BRD2: variants seen among roughly 807,000 people sequenced by gnomAD.
BRD2 encodes the protein bromodomain containing 2, also known as bromodomain-containing protein 2.
BRD2 carries 15 observed loss-of-function variants against 79.1 expected under a neutral mutation model. That is an observed-to-expected ratio of 0.19 (90% confidence interval 0.13 to 0.29). The LOEUF (loss-of-function observed/expected upper bound fraction) is 0.29. BRD2 is among the 10% of genes least tolerant of loss of function. The pLI is 1.00. For missense variants in BRD2, 1,053 were observed against 991.3 expected, an observed-to-expected ratio of 1.06 and a Z score of -0.84; for synonymous variants, 488 against 358.6, an observed-to-expected ratio of 1.36 and a Z score of -4.08.
chr6:32,972,288 T>TTACAATCCACCTC lies in BRD2; in HGVS notation c.-610_-598dup. ...GCCTTCGAGTCGTCCGGGGCCGCCA[T>TTACAATCCACCTC]TACAATCCACCTCCATCCGCTTGGA... is the stretch of plus-strand genomic sequence containing the variant. On this transcript the variant is annotated 5_prime_UTR_variant, in exon 2 of 13. Transcript: ENST00000374825. 4.8e-6 allele frequency: 2 copies of TTACAATCCACCTC among 413,622 alleles called. No individual in the cohort carries two copies. The highest frequency in any genetic ancestry group is 9.1e-6 in the Non-Finnish European group (2 of 218,584). The allele number at this position is 413,622 out of a possible 1,614,324, so 25.6% of individuals were successfully genotyped here.
At chr6:32,978,523 T>C in intron 10 of BRD2, 135 bp downstream of exon 10, 3 of 1,440,592 alleles carry the variant, frequency 2.1e-6, no homozygotes, top group East Asian at 2.3e-5. Flanking sequence ...CCCCAACCTT[T>C]TTGGCACCAG....
rs374599253 is a variant in BRD2, at chr6:32,974,720, A to G, written c.288A>G (p.Ala96=). The part of the protein sequence containing the change: ...VMKALWKHQF[A]WPFRQPVDAV... ...AGGCTCTGTGGAAACATCAGTTCGCATGGCCATTCCGGCAGCCTGTGGATG... is the reference window on the plus strand; with the variant it reads ...AGGCTCTGTGGAAACATCAGTTCGCGTGGCCATTCCGGCAGCCTGTGGATG... Residue 96 remains alanine, a synonymous_variant, in exon 3 of 13, where the codon GCA becomes GCG. Coordinates refer to ENST00000374825, the MANE Select transcript of BRD2 (RefSeq NM_005104.4). 9.9e-6 allele frequency: 16 copies of G among 1,614,052 alleles called. No homozygotes were observed. The highest frequency in any genetic ancestry group is 3.3e-5 in the Admixed American group (2 of 60,006).
At chr6:32,978,052 C>T (rs749686064) in intron 9 of BRD2, 47 bp downstream of exon 9, 11 of 1,592,152 alleles carry the variant, frequency 6.9e-6, no homozygotes, top group Middle Eastern at 1.7e-4. Flanking sequence ...AGGTTCATGC[C>T]CTTTGTCCTC....
chr6:32,975,185 C>T lies in BRD2; in HGVS notation c.334-199C>T. On this transcript the variant is annotated intron_variant, in intron 3 of 12. Coordinates refer to ENST00000374825, the MANE Select transcript of BRD2 (RefSeq NM_005104.4). ...GTTAGAGAAAGGCAGCAGGGGCCTCCCTGTGGATGTCAAGAATCTTTTTTA... is the reference window on the plus strand; with the variant it reads ...GTTAGAGAAAGGCAGCAGGGGCCTCTCTGTGGATGTCAAGAATCTTTTTTA... 3.8e-6 allele frequency: 5 copies of T among 1,320,806 alleles called. No homozygotes were observed. In the Admixed American group the frequency reaches 1.2e-4, roughly 32 times the overall value. The allele number at this position is 1,320,806 out of a possible 1,614,324, so 81.8% of individuals were successfully genotyped here.
At chr6:32,975,283 GGGGTGTGTGTGTGTGT>G (rs1778579842) in intron 3 of BRD2, 85 bp from the exon 4 acceptor site, 2 of 938,256 alleles carry the variant, frequency 2.1e-6, no homozygotes, top group Non-Finnish European at 3.1e-6. Context: ...ATGCATAGGG[GGGGTGTGTGTGTGTGT>G]GTGTGTGTGT....
At position 32,976,132 on chromosome 6, in the gene BRD2, C is replaced by T. The variant is rs1196606685; in HGVS notation, c.573C>T (p.Ile191=). The part of the protein sequence containing the change: ...PQEEQELVVT[I]PKNSHKKGAK... ...AAGAACAAGAGCTGGTAGTGACCATCCCTAAGAACAGCCACAAGAAGGGGG... is the reference window on the plus strand; with the variant it reads ...AAGAACAAGAGCTGGTAGTGACCATTCCTAAGAACAGCCACAAGAAGGGGG... The change falls in exon 5 of 13, where the codon ATC becomes ATT. Residue 191 remains isoleucine, a synonymous_variant. Transcript: ENST00000374825. The T allele has an allele frequency of 1.1e-5, 18 of 1,612,800 alleles. No individual in the cohort carries two copies. Among genetic ancestry groups the T allele is most frequent in the East Asian group, 1.1e-4 (5 of 44,888 alleles).
rs1348428768 is a variant in BRD2, at chr6:32,968,803, T to A, written c.-1558T>A. 1 of 62,358 alleles carries A rather than the reference T, an allele frequency of 1.6e-5. No individual in the cohort carries two copies. Among genetic ancestry groups the A allele is most frequent in the East Asian group, 5.3e-4 (1 of 1,878 alleles). The allele number at this position is 62,358 out of a possible 1,614,324, so 3.9% of individuals were successfully genotyped here. ...CGTTCGGAAAGCTGGTCCTCGTGGC[T>A]GGGGGAAAGGCGGGGGGTGGGGGGG... is the stretch of plus-strand genomic sequence containing the variant. On this transcript the variant is annotated 5_prime_UTR_variant, in exon 1 of 13. Coordinates refer to ENST00000374825, the MANE Select transcript of BRD2 (RefSeq NM_005104.4).
At chr6:32,975,309 T>TGTGTGTGA (rs151209418) in intron 3 of BRD2, 75 bp from the exon 4 acceptor site, 9 of 1,030,360 alleles carry the variant, frequency 8.7e-6, no homozygotes, top group South Asian at 6.5e-5. Flanking sequence ...TGTGTGTGTG[T>TGTGTGTGA]GAGAGTCGGG....
At position 32,973,102 on chromosome 6, in the gene BRD2, C is replaced by T. The variant is rs531095072; in HGVS notation, c.29+175C>T. 7.7e-6 allele frequency: 12 copies of T among 1,562,214 alleles called. No homozygotes were observed. The East Asian group carries it at 1.9e-4, about 25-fold the overall frequency. On this transcript the variant is annotated intron_variant, in intron 2 of 12. Transcript: ENST00000374825. Reference sequence around the variant, plus strand: ...CGGTTTTGGAACGGTGGTGGCGGCTCGGCTACTGCTCGTGGAGGGGAATAC... The same window carrying T: ...CGGTTTTGGAACGGTGGTGGCGGCTTGGCTACTGCTCGTGGAGGGGAATAC...
At chr6:32,978,570 A>G in intron 10 of BRD2, 182 bp downstream of exon 10, 1 of 951,836 alleles carries the variant, frequency 1.1e-6, no homozygotes. Flanking sequence ...TACCACAGAC[A>G]GGGTTTGAGG....
At position 32,971,639 on chromosome 6, in the gene BRD2, A is replaced by G. The variant is rs1271326520; in HGVS notation, c.-1260A>G. ...TTACCGCCGAGAACCACCACCCGCCAGGCGTCTTGCGGCCACACCCCTGGC... is the reference window on the plus strand; with the variant it reads ...TTACCGCCGAGAACCACCACCCGCCGGGCGTCTTGCGGCCACACCCCTGGC... On this transcript the variant is annotated 5_prime_UTR_variant, in exon 2 of 13. Transcript: ENST00000374825. 2 of 428,842 alleles carry G rather than the reference A, an allele frequency of 4.7e-6. No individual in the cohort carries two copies. Among genetic ancestry groups the G allele is most frequent in the East Asian group, 3.5e-5 (1 of 28,172 alleles). 26.6% of individuals were successfully genotyped at this position (428,842 alleles called of 1,614,324 possible).
chr6:32,976,263 T>C lies in BRD2; in HGVS notation c.624T>C (p.Ser208=), dbSNP rs754956928. Residue 208 remains serine, a synonymous_variant, in exon 6 of 13, where the codon AGT becomes AGC. Coordinates refer to ENST00000374825, the MANE Select transcript of BRD2 (RefSeq NM_005104.4). ...KGAKLAALQG[S]VTSAHQVPAV... ...CCTTTTTTCTAGCGCTCCAGGGCAG[T>C]GTTACCAGTGCCCATCAGGTGCCTG... The C allele has an allele frequency of 1.9e-6, 3 of 1,613,000 alleles. No homozygotes were observed. The highest frequency in any genetic ancestry group is 2.5e-6 in the Non-Finnish European group (3 of 1,179,994).
rs1301489163 is a variant in BRD2 at position 32,972,128 on chromosome 6, G to C, written c.-771G>C. 2 of 674,692 alleles carry C rather than the reference G, an allele frequency of 3.0e-6. No homozygotes were observed. The highest frequency in any genetic ancestry group is 3.6e-5 in the African/African-American group (2 of 56,292). The allele number at this position is 674,692 out of a possible 1,614,324, so 41.8% of individuals were successfully genotyped here. A position where few individuals can be genotyped will look rare whatever the true frequency, so the allele number is the denominator to read the frequency against. On this transcript the variant is annotated 5_prime_UTR_variant, in exon 2 of 13. Transcript: ENST00000374825. Reference sequence around the variant, plus strand: ...GGGGGTGGGGAAAAGCTCAAGCAGGGTGGCGCGCATGAGCGGCGAAGCTCC... The same window carrying C: ...GGGGGTGGGGAAAAGCTCAAGCAGGCTGGCGCGCATGAGCGGCGAAGCTCC...
rs35952031 is a variant in BRD2 at position 32,976,273 on chromosome 6, G to A, written c.634G>A (p.Ala212Thr). 4 of 1,612,886 alleles carry A rather than the reference G, an allele frequency of 2.5e-6. No homozygotes were observed. In the East Asian group the frequency reaches 8.9e-5, roughly 36 times the overall value. The change falls in exon 6 of 13, where the codon GCC (alanine) becomes ACC (threonine). Residue 212 changes from alanine (A) to threonine (T), a missense_variant. By Grantham distance (58) the Ala-to-Thr change is moderately conservative (BLOSUM62 0). Coordinates refer to ENST00000374825, the MANE Select transcript of BRD2 (RefSeq NM_005104.4). Reference protein sequence around the residue: ...LAALQGSVTSAHQVPAVSSVS... With the variant: ...LAALQGSVTSTHQVPAVSSVS... ...AGCGCTCCAGGGCAGTGTTACCAGT[G>A]CCCATCAGGTGCCTGCCGTCTCTTC...
Position 32,978,288 on chromosome 6 carries a change from C to T in BRD2, c.1741C>T (p.Pro581Ser). 2.5e-6 allele frequency: 4 copies of T among 1,613,022 alleles called. No individual in the cohort carries two copies. Among genetic ancestry groups the T allele is most frequent in the Non-Finnish European group, 2.5e-6 (3 of 1,180,004 alleles). Reference sequence around the variant, plus strand: ...TGACAAGGGGCCTAGGGCACCCCGCCCACCTCAACCTAAGAAGTCCAAGAA... The same window carrying T: ...TGACAAGGGGCCTAGGGCACCCCGCTCACCTCAACCTAAGAAGTCCAAGAA... ...EDDKGPRAPR[P>S]PQPKKSKKAS... Residue 581 changes from proline to serine, a missense_variant, in exon 10 of 13, where the codon CCA (proline) becomes TCA (serine). Coordinates refer to ENST00000374825, the MANE Select transcript of BRD2 (RefSeq NM_005104.4).
In BRD2 at chr6:32,971,862, C is replaced by T. The variant is rs758466247; in HGVS notation, c.-1037C>T. ...GGGGCGATGGCTTCCGCACCTCTTC[C>T]AACCACCCTCTTTCCCTGGAGTCGG... is the stretch of plus-strand genomic sequence containing the variant. On this transcript the variant is annotated 5_prime_UTR_variant, in exon 2 of 13. An upstream open reading frame in the 5' UTR gains an earlier in-frame stop. Transcript: ENST00000374825. 5 of 699,660 alleles carry T rather than the reference C, an allele frequency of 7.1e-6. No homozygotes were observed. The highest frequency in any genetic ancestry group is 2.0e-5 in the Admixed American group (1 of 49,322). The allele number at this position is 699,660 out of a possible 1,614,324, so 43.3% of individuals were successfully genotyped here. A position where few individuals can be genotyped will look rare whatever the true frequency, so the allele number is the denominator to read the frequency against.
chr6:32,972,386 C>T lies in BRD2; in HGVS notation c.-513C>T. On this transcript the variant is annotated 5_prime_UTR_variant, in exon 2 of 13. Transcript: ENST00000374825. ...CCCCCTAGAAGCCCCTGGAGCTCCCCTTTTTCGGGCCCCGCCCAATCCTCG... is the reference window on the plus strand; with the variant it reads ...CCCCCTAGAAGCCCCTGGAGCTCCCTTTTTTCGGGCCCCGCCCAATCCTCG... The T allele has an allele frequency of 3.4e-6, 1 of 297,700 alleles. No homozygotes were observed. The highest frequency in any genetic ancestry group is 9.5e-5 in the East Asian group (1 of 10,490). 18.4% of individuals were successfully genotyped at this position (297,700 alleles called of 1,614,324 possible). A position where few individuals can be genotyped will look rare whatever the true frequency, so the allele number is the denominator to read the frequency against.
Position 32,980,673 on chromosome 6 carries a change from T to C in BRD2, c.2361T>C (p.Ser787=), listed in dbSNP as rs775229453. The C allele has an allele frequency of 1.2e-5, 20 of 1,613,014 alleles. 1 individual carries two copies. The South Asian group carries it at 2.2e-4, about 18-fold the overall frequency. The change falls in exon 13 of 13, where the codon TCT becomes TCC. Residue 787 remains serine (S), a synonymous_variant. Coordinates refer to ENST00000374825, the MANE Select transcript of BRD2 (RefSeq NM_005104.4). ...SSSSSDSSSS[S]SSSSSSDTSD... Reference sequence around the variant, plus strand: ...CCAGCTCAGATTCCAGCTCCTCCTCTTCCTCGTCGTCGTCTTCAGACACCA... The same window carrying C: ...CCAGCTCAGATTCCAGCTCCTCCTCCTCCTCGTCGTCGTCTTCAGACACCA...
intron 2 of BRD2, among the ~76,000 whole-genome samples, chr6:32,973,771 T>C (rs190002830): frequency 3.3e-5 from 5 of 152,140 alleles, no homozygotes; most frequent in Admixed American, 1.3e-4. Context: ...GCTTTTTGAC[T>C]TCCTTGGAGT....
Sources: allele counts gnomAD v4.1 joint callset (sites outside exome capture counted in the v4.1 genomes callset), GRCh38; gene constraint gnomAD v4.1.1; transcripts MANE v1.5; gene names NCBI Gene and HGNC (gene_info 2026-07-23, HGNC 2026-07-21).